Variants in DLEC1 observed in about 807,000 individuals in gnomAD.
DLEC1 encodes the protein deleted in lung and esophageal cancer protein 1.
Under a neutral mutation model 198.1 loss-of-function variants are expected in DLEC1, and 146 were observed. The observed-to-expected ratio is 0.74, with a 90% CI of 0.64 to 0.85. The LOEUF (loss-of-function observed/expected upper bound fraction) is 0.85. DLEC1 is among the 40% of genes least tolerant of loss of function. The probability of loss-of-function intolerance (pLI) is 0.00; values close to 1 mark genes in which losing one functional copy is unlikely to be tolerated. For missense variants in DLEC1, 2,233 were observed against 2,220.0 expected, an observed-to-expected ratio of 1.01 and a Z score of -0.12; for synonymous variants, 897 against 866.8, an observed-to-expected ratio of 1.03 and a Z score of -0.61.
intron 6 of DLEC1, among the ~76,000 whole-genome samples, chr3:38,067,574 C>G (rs1235872982): frequency 6.6e-6 from 1 of 152,066 alleles, no homozygotes; most frequent in Non-Finnish European, 1.5e-5. Flanking sequence ...AGAGTCAGTG[C>G]TTAGGGGTGA....
At chr3:38,067,910 G>A (rs577400908) in intron 6 of DLEC1, among the ~76,000 whole-genome samples, 3 of 151,626 alleles carry the variant, frequency 2.0e-5, no homozygotes, top group South Asian at 4.2e-4. Context: ...GCACCACCAC[G>A]CCTGGCTAAT....
intron 13 of DLEC1, chr3:38,095,448 GGGAA>G (rs1322427028): frequency 1.6e-5 from 5 of 310,124 alleles, no homozygotes; most frequent in Non-Finnish European, 3.1e-5. Context: ...CCAGCATGGA[GGGAA>G]GCCCTGTGGG....
chr3:38,097,168 C>T lies in DLEC1; in HGVS notation c.2341-14C>T, dbSNP rs909010063. ...GGGCAGTAAATGGGCAGCCTGGTCT[C>T]GGGTGTCTTTCAGATGTGGAACAAC... On this transcript the variant is annotated splice_polypyrimidine_tract_variant and intron_variant, in intron 15 of 36. Transcript: ENST00000308059. 52 of 1,558,570 alleles carry T rather than the reference C, an allele frequency of 3.3e-5. No individual in the cohort carries two copies. Among genetic ancestry groups the T allele is most frequent in the East Asian group, 4.8e-5 (2 of 41,726 alleles).
intron 27 of DLEC1, among the ~76,000 whole-genome samples, chr3:38,116,148 G>A (rs1470039782): frequency 6.6e-6 from 1 of 152,184 alleles, no homozygotes; most frequent in East Asian, 1.9e-4. Flanking sequence ...CCACAAACAG[G>A]CCGGAAGGAG....
At chr3:38,052,113 C>G (rs1237756468) in intron 2 of DLEC1, 7 of 337,980 alleles carry the variant, frequency 2.1e-5, no homozygotes, top group African/African-American at 1.5e-4. Flanking sequence ...GCATGGGCTC[C>G]TCGACCCTGT....
At chr3:38,053,318 C>T (rs542265639) in intron 2 of DLEC1, among the ~76,000 whole-genome samples, 17 of 150,056 alleles carry the variant, frequency 1.1e-4, no homozygotes, top group East Asian at 9.8e-4. Context: ...CGCCTCTTCC[C>T]GGCCGCCATC....
rs1312169647 is a variant in DLEC1, at chr3:38,112,706, G to A, written c.3666+345G>A. 6.6e-6 allele frequency among the ~76,000 whole-genome samples: 1 copy of A among 152,210 alleles called. No homozygotes were observed. The highest frequency in any genetic ancestry group is 2.4e-5 in the African/African-American group (1 of 41,468). On this transcript the variant is annotated intron_variant, in intron 25 of 36. Transcript: ENST00000308059. The surrounding 1 kb of genome is among the most constrained non-coding windows in gnomAD (Gnocchi z 4.8). ...GTAGGGAGTGTGGAGTGGAGGGACA[G>A]TAGCAGCCTCCCAGAGCCAGGTCCT...
rs1428495832 is a variant in DLEC1, at chr3:38,108,398, C to T, written c.3019-7C>T. On this transcript the variant is annotated splice_polypyrimidine_tract_variant and splice_region_variant and intron_variant, in intron 20 of 36. Coordinates refer to ENST00000308059, the MANE Select transcript of DLEC1 (RefSeq NM_007335.4). ...AGTGACAACAGGCTCACTCATGTGT[C>T]TGCCAGCTCCTCGGACACCAAGCAG... is the stretch of plus-strand genomic sequence containing the variant. 6.2e-7 allele frequency: 1 copy of T among 1,612,580 alleles called. No homozygotes were observed. Among genetic ancestry groups the T allele is most frequent in the South Asian group, 1.1e-5 (1 of 90,942 alleles).
At chr3:38,079,712 C>G (rs1460637208) in intron 6 of DLEC1, among the ~76,000 whole-genome samples, 4 of 152,132 alleles carry the variant, frequency 2.6e-5, no homozygotes, top group Admixed American at 6.5e-5. Context: ...ATTCCTTGGC[C>G]TGGTGGTCAG....
intron 7 of DLEC1, among the ~76,000 whole-genome samples, chr3:38,084,628 A>G (rs924275873): frequency 1.4e-5 from 1 of 69,136 alleles, no homozygotes; most frequent in African/African-American, 5.1e-5. Flanking sequence ...TACTGCTACT[A>G]CTTTGAGGAT....
At chr3:38,062,092 G>A in intron 3 of DLEC1, 77 bp from the exon 4 acceptor site, 1 of 1,483,408 alleles carries the variant, frequency 6.7e-7, no homozygotes, top group Non-Finnish European at 9.4e-7. Context: ...GGCTTTGGTG[G>A]TTTTATTTGG....
rs1273964968 is a variant in DLEC1, at chr3:38,053,359, G to A, written c.563-6383G>A. Among the ~76,000 whole-genome samples, 4 of 151,166 alleles carry A rather than the reference G, an allele frequency of 2.6e-5. No homozygotes were observed. In the South Asian group the frequency reaches 6.3e-4, roughly 24 times the overall value. ...TAGGAAGTGAGGAGCGTCTCTGCCC[G>A]GCCGCCCATTGTCTGAGATGTGGGG... On this transcript the variant is annotated intron_variant, in intron 2 of 36. Transcript: ENST00000308059.
intron 3 of DLEC1, among the ~76,000 whole-genome samples, chr3:38,060,377 T>C (rs147029227): frequency 6.6e-6 from 1 of 152,008 alleles, no homozygotes; most frequent in Admixed American, 6.5e-5. Flanking sequence ...GAGGCTGTGA[T>C]GTGGGCTTAA....
In DLEC1 at chr3:38,039,593, G is replaced by A; in HGVS notation, c.368G>A (p.Ser123Asn). 1 of 1,610,952 alleles carries A rather than the reference G, an allele frequency of 6.2e-7. No individual in the cohort carries two copies. ...VSASLIKARG[S>N]ENERHEEFVD... ...GCAAGCTTGATCAAGGCCCGCGGCA[G>A]CGAGAATGAGCGCCACGAGGAGTTC... The change falls in exon 1 of 37, where the codon AGC becomes AAC. Residue 123 changes from serine (S) to asparagine (N), a missense_variant. Physicochemically the swap from Ser to Asn is conservative, Grantham distance 46. Transcript: ENST00000308059.
rs769791958 is a variant in DLEC1, at chr3:38,123,097, T to C, written c.*685T>C. ...GCAGCGGCTCCCATTCCAGTCCCGA[T>C]GCACATGGACACCACTCCGTATGCC... On this transcript the variant is annotated 3_prime_UTR_variant, in exon 37 of 37. Transcript: ENST00000308059. 1.2e-5 allele frequency: 19 copies of C among 1,614,088 alleles called. No homozygotes were observed. The highest frequency in any genetic ancestry group is 4.4e-5 in the South Asian group (4 of 91,092).
rs375269200 is a variant in DLEC1 at position 38,097,259 on chromosome 3, C to T, written c.2418C>T (p.Pro806=). 100 of 1,582,320 alleles carry T rather than the reference C, an allele frequency of 6.3e-5. No homozygotes were observed. Among genetic ancestry groups the T allele is most frequent in the Non-Finnish European group, 7.9e-5 (92 of 1,163,004 alleles). The stretch of plus-strand genomic sequence containing the variant: ...ACTGCCACATCATTGAAGTGGAGCC[C>T]GGCACAGGGGTCATAGGTACCTTGG... ...ISDCHIIEVE[P]GTGVIEPSEV... The change falls in exon 16 of 37, where the codon CCC becomes CCT. Residue 806 remains proline, a synonymous_variant. Transcript: ENST00000308059.
chr3:38,063,230 T>C (rs1279483606), intron 5 of DLEC1, among the ~76,000 whole-genome samples: 2 of 152,252 alleles, frequency 1.3e-5, no homozygotes, highest in African/African-American at 4.8e-5. Context: ...CTTCATGGGT[T>C]CATAATTTTA....
In DLEC1 at chr3:38,074,610, G is replaced by A. The variant is rs1697505015; in HGVS notation, c.1174-9548G>A. ...ATGTAATCTTGCCTAGCTATACCTG[G>A]GGAATTTGTCTGGTAGTTCCATTGG... On this transcript the variant is annotated intron_variant, in intron 6 of 36. Coordinates refer to ENST00000308059, the MANE Select transcript of DLEC1 (RefSeq NM_007335.4). Among the ~76,000 whole-genome samples the A allele has an allele frequency of 2.6e-5, 4 of 152,274 alleles. No individual in the cohort carries two copies. In the South Asian group the frequency reaches 8.3e-4, roughly 32 times the overall value.
rs1700560480 is a variant in DLEC1 at position 38,122,805 on chromosome 3, G to C, written c.*393G>C. 2.0e-6 allele frequency: 2 copies of C among 987,372 alleles called. No homozygotes were observed. The highest frequency in any genetic ancestry group is 2.9e-6 in the Non-Finnish European group (2 of 697,334). The allele number at this position is 987,372 out of a possible 1,614,324, so 61.2% of individuals were successfully genotyped here. Reference sequence around the variant, plus strand: ...TTAACCATGGCCTTGTGGCCTGGGTGACCCAGGCTGCTTTTATCTTGCACA... The same window carrying C: ...TTAACCATGGCCTTGTGGCCTGGGTCACCCAGGCTGCTTTTATCTTGCACA... On this transcript the variant is annotated 3_prime_UTR_variant, in exon 37 of 37. Coordinates refer to ENST00000308059, the MANE Select transcript of DLEC1 (RefSeq NM_007335.4).
Sources: allele counts gnomAD v4.1 joint callset (sites outside exome capture counted in the v4.1 genomes callset), GRCh38; gene constraint gnomAD v4.1.1; non-coding constraint Gnocchi (gnomAD v3.1); transcripts MANE v1.5; gene names NCBI Gene and HGNC (gene_info 2026-07-23, HGNC 2026-07-21).